Variants in TRAPPC9 observed in about 807,000 individuals in gnomAD.
TRAPPC9 encodes IKK2 binding protein.
TRAPPC9 carries 83 observed loss-of-function variants against 124.0 expected under a neutral mutation model. That is an observed-to-expected ratio of 0.67 (90% confidence interval 0.56 to 0.80). The LOEUF (loss-of-function observed/expected upper bound fraction) is 0.80, where lower values mean the gene tolerates loss of function less well. Among genes scored for constraint, TRAPPC9 ranks in the 30% least tolerant of loss-of-function variants. TRAPPC9 has a pLI of 0.00. For synonymous variants in TRAPPC9, 638 were observed against 617.5 expected (o/e 1.03, Z -0.49); for missense variants, 1,302 against 1,508.3 (o/e 0.86, Z 2.27).
rs547440643 is a variant in TRAPPC9 at position 140,141,925 on chromosome 8, G to C, written c.2556+79534C>G. Among the ~76,000 whole-genome samples, 24 of 152,278 alleles carry C rather than the reference G, an allele frequency of 1.6e-4. No homozygotes were observed. In the East Asian group the frequency reaches 4.4e-3, roughly 28 times the overall value. Reference sequence around the variant, plus strand: ...TGAAACATAAAATGCACTCCATTTTGGTTTCCGTTTCAGAGTACATTTATG... The same window carrying C: ...TGAAACATAAAATGCACTCCATTTTCGTTTCCGTTTCAGAGTACATTTATG... On this transcript the variant is annotated intron_variant, in intron 17 of 22. Coordinates refer to ENST00000438773, the MANE Select transcript of TRAPPC9 (RefSeq NM_001160372.4).
chr8:140,232,161 C>T (rs181507617), intron 16 of TRAPPC9, among the ~76,000 whole-genome samples: 1 of 152,214 alleles, frequency 6.6e-6, no homozygotes, highest in East Asian at 1.9e-4. Context: ...CAAGCTCAAA[C>T]TCCTAGGCTC....
chr8:140,242,901 T>G (rs932116350), intron 16 of TRAPPC9, among the ~76,000 whole-genome samples: 7 of 151,036 alleles, frequency 4.6e-5, no homozygotes, highest in African/African-American at 1.7e-4. Context: ...GGGAGGGAGG[T>G]TAAAAGCCTG....
chr8:140,351,162 G>C (rs1000084426), intron 9 of TRAPPC9, among the ~76,000 whole-genome samples: 6 of 114,336 alleles, frequency 5.2e-5, no homozygotes, highest in Non-Finnish European at 1.1e-4. Flanking sequence ...AAGGAGAAGC[G>C]ACAACGGATG....
chr8:139,748,552 T>TGTGGGTGTGCAGGGGTCAGAGCGGGTGA (rs2130172267), intron 21 of TRAPPC9, among the ~76,000 whole-genome samples: 1 of 143,066 alleles, frequency 7.0e-6, no homozygotes, highest in African/African-American at 2.9e-5. Context: ...AGAGCGGGTG[T>TGTGGGTGTGCAGGGGTCAGAGCGGGTGA]GTGGAGATTT....
intron 19 of TRAPPC9, among the ~76,000 whole-genome samples, chr8:139,941,853 T>C (rs995487260): frequency 1.3e-5 from 2 of 152,232 alleles, no homozygotes; most frequent in African/African-American, 4.8e-5. Flanking sequence ...TTTGCCACAC[T>C]GTTCTGCAAA....
rs973784262 is a variant in TRAPPC9 at position 139,729,479 on chromosome 8, G to A, written c.*1582C>T. On this transcript the variant is annotated 3_prime_UTR_variant, in exon 23 of 23. Transcript: ENST00000438773. ...CCCTACTGCAGCCAGACCTTCTGGGGCTGCCTTCCCTGGGGAGCCTCGAGC... is the reference window on the plus strand; with the variant it reads ...CCCTACTGCAGCCAGACCTTCTGGGACTGCCTTCCCTGGGGAGCCTCGAGC... Among the ~76,000 whole-genome samples, 5 of 152,224 alleles carry A rather than the reference G, an allele frequency of 3.3e-5. No homozygotes were observed. Among genetic ancestry groups the A allele is most frequent in the Non-Finnish European group, 7.3e-5 (5 of 68,028 alleles).
intron 17 of TRAPPC9, among the ~76,000 whole-genome samples, chr8:140,152,705 T>C (rs1013070634): frequency 3.3e-5 from 5 of 152,180 alleles, no homozygotes; most frequent in African/African-American, 1.2e-4. Context: ...TTCTGATCCA[T>C]GAGCATGGTA....
chr8:140,153,370 C>G (rs2061578838), intron 17 of TRAPPC9, among the ~76,000 whole-genome samples: 1 of 152,022 alleles, frequency 6.6e-6, no homozygotes, highest in Non-Finnish European at 1.5e-5. Context: ...TTGCTATGAC[C>G]ATTCATTTGC....
intron 7 of TRAPPC9, among the ~76,000 whole-genome samples, chr8:140,393,032 T>TTTTTTTTTTTTTTATTTTATTTTA (rs574235886): frequency 8.0e-5 from 11 of 138,022 alleles, no homozygotes; most frequent in Non-Finnish European, 1.6e-4. Context: ...TCCCATTTTA[T>TTTTTTTTTTTTTTATTTTATTTTA]TTTTATTTTA....
chr8:140,125,159 C>T (rs957351964), intron 17 of TRAPPC9, among the ~76,000 whole-genome samples: 2 of 152,204 alleles, frequency 1.3e-5, no homozygotes, highest in Admixed American at 6.5e-5. Context: ...ATGCAGCAGC[C>T]GAGGTCAGCA....
In TRAPPC9 at chr8:140,353,570, A is replaced by G. The variant is rs1214018866; in HGVS notation, c.1495+6480T>C. On this transcript the variant is annotated intron_variant, in intron 9 of 22. Coordinates refer to ENST00000438773, the MANE Select transcript of TRAPPC9 (RefSeq NM_001160372.4). The surrounding 1 kb of genome is among the most constrained non-coding windows in gnomAD (Gnocchi z 4.2). ...GATGTGAAAGCCGCGAGTCTTTTTT[A>G]TTTTCCACAGGAATTGGTGTCAGTA... is the stretch of plus-strand genomic sequence containing the variant. Among the ~76,000 whole-genome samples the G allele has an allele frequency of 1.3e-5, 2 of 151,926 alleles. No homozygotes were observed. Among genetic ancestry groups the G allele is most frequent in the Non-Finnish European group, 2.9e-5 (2 of 67,994 alleles).
chr8:140,148,084 TCCGTGCTCCCTTG>T (rs1229616206), intron 17 of TRAPPC9, among the ~76,000 whole-genome samples: 3 of 152,216 alleles, frequency 2.0e-5, no homozygotes, highest in Admixed American at 6.5e-5. Context: ...GAGCCTGTGC[TCCGTGCTCCCTTG>T]TCACGCACAC....
At chr8:139,898,895 G>A (rs1227153103) in intron 20 of TRAPPC9, among the ~76,000 whole-genome samples, 18 of 151,930 alleles carry the variant, frequency 1.2e-4, no homozygotes, top group East Asian at 3.9e-4. Flanking sequence ...TGAGGTGGGC[G>A]GATCACCTGA....
intron 17 of TRAPPC9, among the ~76,000 whole-genome samples, chr8:140,174,672 G>A (rs2062026968): frequency 6.6e-6 from 1 of 152,140 alleles, no homozygotes; most frequent in Admixed American, 6.5e-5. Flanking sequence ...CATATGACGT[G>A]TGGCCTTTTG....
intron 19 of TRAPPC9, among the ~76,000 whole-genome samples, chr8:139,946,137 C>T (rs1834199764): frequency 6.6e-6 from 1 of 152,204 alleles, no homozygotes; most frequent in Non-Finnish European, 1.5e-5. Flanking sequence ...TGATCTCTCT[C>T]AAGAACCAAC....
intron 7 of TRAPPC9, among the ~76,000 whole-genome samples, chr8:140,382,345 G>A (rs888655756): frequency 2.6e-5 from 4 of 152,196 alleles, no homozygotes; most frequent in South Asian, 2.1e-4. Flanking sequence ...ATGAGGCATC[G>A]CCTCACCCAG....
chr8:140,109,000 AC>A (rs2060716212), intron 17 of TRAPPC9, among the ~76,000 whole-genome samples: 1 of 152,314 alleles, frequency 6.6e-6, no homozygotes, highest in East Asian at 1.9e-4. Flanking sequence ...GTTTCCAAAA[AC>A]CAAAACAGAG....
chr8:140,272,105 G>GTGGTGGTGGCAATGATGATGGTGATTA (rs1563903338), intron 15 of TRAPPC9, among the ~76,000 whole-genome samples: 1 of 75,228 alleles, frequency 1.3e-5, no homozygotes. Context: ...TGAGGTGATT[G>GTGGTGGTGGCAATGATGATGGTGATTA]TGGTGGTGGC....
At chr8:139,783,616 C>T (rs1366987806) in intron 21 of TRAPPC9, among the ~76,000 whole-genome samples, 5 of 152,168 alleles carry the variant, frequency 3.3e-5, no homozygotes, top group South Asian at 4.1e-4. Context: ...ACAAACTCTT[C>T]CAGAAAATCA....
Sources: allele counts gnomAD v4.1 joint callset (sites outside exome capture counted in the v4.1 genomes callset), GRCh38; gene constraint gnomAD v4.1.1; non-coding constraint Gnocchi (gnomAD v3.1); transcripts MANE v1.5; gene names NCBI Gene and HGNC (gene_info 2026-07-23, HGNC 2026-07-21).